The following FYCO1 variants were observed in gnomAD, a reference collection of about 807,000 sequenced individuals.
FYCO1 encodes FYVE and coiled-coil domain autophagy adaptor 1.
A neutral mutation model predicts 165.1 loss-of-function variants in FYCO1; 122 were observed. The ratio of observed to expected loss-of-function variants is 0.74; its 90% CI spans 0.64 to 0.86. The LOEUF is 0.86. Ranked by LOEUF, FYCO1 falls within the 40% of genes least tolerant of loss-of-function variation. The pLI, the probability that FYCO1 is intolerant of heterozygous loss-of-function variation, is 0.00. For missense variants in FYCO1, 1,702 were observed against 1,810.3 expected (o/e 0.94, Z 1.09); for synonymous variants, 648 against 742.5 (o/e 0.87, Z 2.07).
intron 14 of FYCO1, among the ~76,000 whole-genome samples, chr3:45,954,476 A>G (rs1705204691): frequency 6.6e-6 from 1 of 152,164 alleles, no homozygotes; most frequent in Non-Finnish European, 1.5e-5. Flanking sequence ...CCAGGTGGGT[A>G]GGTGGTAAGG....
chr3:45,963,615 T>A (rs1191766984), intron 10 of FYCO1, among the ~76,000 whole-genome samples: 1 of 152,220 alleles, frequency 6.6e-6, no homozygotes, highest in African/African-American at 2.4e-5. Flanking sequence ...ACACATGCAA[T>A]TCGATTCCAG....
At position 45,956,013 on chromosome 3, in the gene FYCO1, G is replaced by A. The variant is rs192091586; in HGVS notation, c.3800-620C>T. On this transcript the variant is annotated intron_variant, in intron 13 of 17. Coordinates refer to ENST00000296137, the MANE Select transcript of FYCO1 (RefSeq NM_024513.4). ...ACAAACACTCTCCAGCATATGTCAC[G>A]GAAAAATGTGAGAGCAGGTTTGAGG... 2.3e-3 allele frequency among the ~76,000 whole-genome samples: 345 copies of A among 149,758 alleles called. 1 individual carries two copies. The highest frequency in any genetic ancestry group is 7.9e-3 in the African/African-American group (326 of 41,496).
Position 45,929,140 on chromosome 3 carries a change from C to T in FYCO1, c.4251+1931G>A, listed in dbSNP as rs906227217. Among the ~76,000 whole-genome samples, 3 of 152,342 alleles carry T rather than the reference C, an allele frequency of 2.0e-5. No individual in the cohort carries two copies. The East Asian group carries it at 5.8e-4, about 29-fold the overall frequency. Reference sequence around the variant, plus strand: ...TGGCCATGGTCTCTTTGGGGGACCTCAGGCAGAGATAACAGCCACCCCCAT... The same window carrying T: ...TGGCCATGGTCTCTTTGGGGGACCTTAGGCAGAGATAACAGCCACCCCCAT... On this transcript the variant is annotated intron_variant, in intron 16 of 17. Coordinates refer to ENST00000296137, the MANE Select transcript of FYCO1 (RefSeq NM_024513.4).
intron 5 of FYCO1, 24 bp from the exon 6 acceptor site, chr3:45,973,255 A>G: frequency 6.2e-7 from 1 of 1,611,202 alleles, no homozygotes; most frequent in Non-Finnish European, 8.5e-7. Flanking sequence ...TGTCAATTAT[A>G]AGAGTAATAA....
intron 11 of FYCO1, among the ~76,000 whole-genome samples, chr3:45,959,868 G>A (rs1705588663): frequency 6.6e-6 from 1 of 152,222 alleles, no homozygotes; most frequent in African/African-American, 2.4e-5. Context: ...GGGAGTTTAA[G>A]CTAAAACGTG....
At position 45,967,323 on chromosome 3, in the gene FYCO1, G is replaced by T. The variant is rs557643395; in HGVS notation, c.2011C>A (p.Arg671=). The change falls in exon 8 of 18, where the codon CGG becomes AGG. Residue 671 remains arginine, a synonymous_variant. Transcript: ENST00000296137. The part of the protein sequence containing the change: ...ASLEAEQASI[R]HLGDQMEASL... Reference sequence around the variant, plus strand: ...GCCTCCATCTGGTCACCCAAGTGCCGGATGCTGGCCTGCTCGGCCTCCAGG... The same window carrying T: ...GCCTCCATCTGGTCACCCAAGTGCCTGATGCTGGCCTGCTCGGCCTCCAGG... 6.2e-7 allele frequency: 1 copy of T among 1,613,162 alleles called. No individual in the cohort carries two copies. Among genetic ancestry groups the T allele is most frequent in the Non-Finnish European group, 8.5e-7 (1 of 1,179,504 alleles).
Position 45,958,416 on chromosome 3 carries a change from C to A in FYCO1, c.3791G>T (p.Gly1264Val). 6.2e-7 allele frequency: 1 copy of A among 1,612,298 alleles called. No homozygotes were observed. The highest frequency in any genetic ancestry group is 1.1e-5 in the South Asian group (1 of 90,956). Residue 1264 changes from glycine (G) to valine (V), a missense_variant, in exon 13 of 18, where the codon GGA becomes GTA. Coordinates refer to ENST00000296137, the MANE Select transcript of FYCO1 (RefSeq NM_024513.4). ...SPASPGPQAT[G>V]GQGANTDYRP... ...AGTAGCAGGAGACTGACCTTGGCCT[C>A]CTGTGGCCTGGGGCCCAGGTGAGGC...
At chr3:45,956,337 A>AAAATAAATAAAT (rs56249293) in intron 13 of FYCO1, among the ~76,000 whole-genome samples, 3 of 149,164 alleles carry the variant, frequency 2.0e-5, no homozygotes, top group Admixed American at 6.6e-5. Context: ...CTTAGTCTCA[A>AAAATAAATAAAT]AAATAAATAA....
At chr3:45,940,972 C>T (rs1704194045) in intron 14 of FYCO1, 1 of 152,214 alleles carries the variant, frequency 6.6e-6, no homozygotes, top group Non-Finnish European at 1.5e-5. Flanking sequence ...TGCTCTCCTG[C>T]TTATAGAACA....
intron 1 of FYCO1, among the ~76,000 whole-genome samples, chr3:45,988,007 G>A (rs1370182737): frequency 1.3e-5 from 2 of 152,224 alleles, no homozygotes; most frequent in African/African-American, 4.8e-5. Context: ...CCTTGGGAGT[G>A]TGCTCTTGGC....
intron 14 of FYCO1, among the ~76,000 whole-genome samples, chr3:45,940,656 C>A (rs1306493567): frequency 2.0e-5 from 3 of 152,182 alleles, no homozygotes; most frequent in African/African-American, 7.2e-5. Context: ...AGGTCACCTG[C>A]TTGGCTCTCT....
At chr3:45,954,565 C>T (rs748209657) in intron 14 of FYCO1, among the ~76,000 whole-genome samples, 1 of 152,148 alleles carries the variant, frequency 6.6e-6, no homozygotes, top group African/African-American at 2.4e-5. Context: ...TTGCCAAGGG[C>T]GGCCCAGCAA....
chr3:45,928,028 C>T (rs772636156), intron 16 of FYCO1, among the ~76,000 whole-genome samples: 1 of 152,192 alleles, frequency 6.6e-6, no homozygotes, highest in Non-Finnish European at 1.5e-5. Context: ...TCATTCATTC[C>T]ATTCACATGA....
Position 45,967,461 on chromosome 3 carries a change from G to C in FYCO1, c.1873C>G (p.Leu625Val). Residue 625 changes from leucine (L) to valine (V), a missense_variant, in exon 8 of 18, where the codon CTA (leucine) becomes GTA (valine). By Grantham distance (32) the Leu-to-Val change is conservative. Transcript: ENST00000296137. ...RQANRELEKE[L>V]QNVVGRNQLL... ...TGGTTACGCCCGACCACATTCTGTA[G>C]CTCCTTCTCCAGCTCCCTGTTGGCC... The C allele has an allele frequency of 6.2e-7, 1 of 1,613,668 alleles. No individual in the cohort carries two copies. The highest frequency in any genetic ancestry group is 8.5e-7 in the Non-Finnish European group (1 of 1,180,012).
At position 45,964,751 on chromosome 3, in the gene FYCO1, A is replaced by G. The variant is rs2125846387; in HGVS notation, c.3150+282T>C. On this transcript the variant is annotated intron_variant, in intron 9 of 17. Transcript: ENST00000296137. The surrounding 1 kb of genome is among the most constrained non-coding windows in gnomAD (Gnocchi z 4.1). ...TCACTGCTCTGAAGACTGTGGATCC[A>G]GTGCCACCCCTGCTCCCACCCATTT... 6.6e-6 allele frequency among the ~76,000 whole-genome samples: 1 copy of G among 152,332 alleles called. No individual in the cohort carries two copies. Among genetic ancestry groups the G allele is most frequent in the East Asian group, 1.9e-4 (1 of 5,184 alleles).
intron 14 of FYCO1, chr3:45,947,676 T>C (rs889893677): frequency 4.8e-6 from 3 of 628,650 alleles, no homozygotes; most frequent in Non-Finnish European, 8.5e-6. Flanking sequence ...ACATGTACTG[T>C]TCTCTTCTTG....
At position 45,969,803 on chromosome 3, in the gene FYCO1, C is replaced by T. The variant is rs752670022; in HGVS notation, c.540-38G>A. ...AAAACAGACATACCTGTATTCAGAG[C>T]AGGAAACCTAACACATGGAGGCCTT... On this transcript the variant is annotated intron_variant, in intron 6 of 17. Transcript: ENST00000296137. 3.8e-6 allele frequency: 6 copies of T among 1,573,502 alleles called. No homozygotes were observed. The Admixed American group carries it at 8.4e-5, about 22-fold the overall frequency.
chr3:45,955,298 G>A lies in FYCO1; in HGVS notation c.3895C>T (p.Pro1299Ser), dbSNP rs1705245877. Residue 1299 changes from proline (P) to serine (S), a missense_variant, in exon 14 of 18, where the codon CCT becomes TCT. Transcript: ENST00000296137. ...GAATCAGTTTCAGTGGGTGTTTCAGGCAAAGAGGAGCCGGACTCCTGTATC... is the reference window on the plus strand; with the variant it reads ...GAATCAGTTTCAGTGGGTGTTTCAGACAAAGAGGAGCCGGACTCCTGTATC... ...CQIQESGSSL[P>S]ETPTETDSLD... 1 of 1,614,110 alleles carries A rather than the reference G, an allele frequency of 6.2e-7. No individual in the cohort carries two copies. The highest frequency in any genetic ancestry group is 2.2e-5 in the East Asian group (1 of 44,890).
chr3:45,985,941 T>A (rs1426359921), intron 1 of FYCO1, among the ~76,000 whole-genome samples: 1 of 152,260 alleles, frequency 6.6e-6, no homozygotes, highest in Non-Finnish European at 1.5e-5. Context: ...GCAAAGTAGA[T>A]AGCAAGACTA....
Sources: allele counts gnomAD v4.1 joint callset (sites outside exome capture counted in the v4.1 genomes callset), GRCh38; gene constraint gnomAD v4.1.1; non-coding constraint Gnocchi (gnomAD v3.1); transcripts MANE v1.5; gene names NCBI Gene and HGNC (gene_info 2026-07-23, HGNC 2026-07-21).